Variants in ATP13A5 observed in about 807,000 individuals in gnomAD.
ATP13A5 encodes probable cation-transporting ATPase 13A5.
A neutral mutation model predicts 150.2 loss-of-function variants in ATP13A5; 149 were observed. The observed-to-expected ratio is 0.99, with a 90% CI of 0.87 to 1.14. ATP13A5 has a LOEUF of 1.14. Ranked by LOEUF, ATP13A5 falls within the 50% of genes most tolerant of loss-of-function variation. The pLI, the probability that ATP13A5 is intolerant of heterozygous loss-of-function variation, is 0.00. For missense variants in ATP13A5, 1,383 were observed against 1,449.3 expected (o/e 0.95, Z 0.74); for synonymous variants, 497 against 522.2 (o/e 0.95, Z 0.66).
At chr3:193,354,242 G>A (rs1387124271) in intron 5 of ATP13A5, 46 bp from the exon 6 acceptor site, 3 of 1,540,866 alleles carry the variant, frequency 1.9e-6, no homozygotes, top group East Asian at 2.3e-5. Context: ...ACAAGCACAT[G>A]ATAAGTGACT....
chr3:193,313,746 C>T (rs1718939898), intron 19 of ATP13A5: 1 of 319,544 alleles, frequency 3.1e-6, no homozygotes, highest in Non-Finnish European at 5.8e-6. Flanking sequence ...CAGTAGTTCT[C>T]AGCCATGACT....
intron 6 of ATP13A5, 83 bp downstream of exon 6, chr3:193,354,044 G>A (rs944321879): frequency 3.9e-5 from 43 of 1,094,820 alleles, no homozygotes; most frequent in Non-Finnish European, 5.1e-5. Context: ...TCACATCAAA[G>A]TATTTATGTG....
At chr3:193,347,893 C>T (rs1286057759) in intron 7 of ATP13A5, among the ~76,000 whole-genome samples, 1 of 152,166 alleles carries the variant, frequency 6.6e-6, no homozygotes, top group Non-Finnish European at 1.5e-5. Context: ...TGATCACATT[C>T]CATTATAGCT....
At chr3:193,299,481 C>G (rs2108838262) in intron 24 of ATP13A5, among the ~76,000 whole-genome samples, 1 of 152,308 alleles carries the variant, frequency 6.6e-6, no homozygotes, top group Non-Finnish European at 1.5e-5. Context: ...CAGCTGTAGT[C>G]TCAGCCTAGG....
intron 23 of ATP13A5, among the ~76,000 whole-genome samples, chr3:193,303,078 G>A (rs1436339987): frequency 3.9e-5 from 6 of 152,166 alleles, no homozygotes; most frequent in African/African-American, 1.4e-4. Flanking sequence ...TAGGCACTTT[G>A]CACTGTTATC....
chr3:193,374,276 GCACACA>G lies in ATP13A5; in HGVS notation c.63+4381_63+4386del, dbSNP rs542915725. On this transcript the variant is annotated intron_variant, in intron 1 of 29. Coordinates refer to ENST00000342358, the MANE Select transcript of ATP13A5 (RefSeq NM_198505.4). ...CAGGAGATAATCTGTGCATGTATTT[GCACACA>G]CACACACACACACACACACAGAGAG... Among the ~76,000 whole-genome samples, 25 of 148,008 alleles carry G rather than the reference GCACACA, an allele frequency of 1.7e-4. No individual in the cohort carries two copies. In the South Asian group the frequency reaches 5.0e-3, roughly 30 times the overall value.
At chr3:193,309,055 G>A (rs1416399092) in intron 21 of ATP13A5, among the ~76,000 whole-genome samples, 1 of 152,164 alleles carries the variant, frequency 6.6e-6, no homozygotes, top group Non-Finnish European at 1.5e-5. Flanking sequence ...ATCATCTAAA[G>A]ATTCACTACC....
At chr3:193,370,731 G>T (rs1713411276) in intron 1 of ATP13A5, among the ~76,000 whole-genome samples, 1 of 152,086 alleles carries the variant, frequency 6.6e-6, no homozygotes, top group Non-Finnish European at 1.5e-5. Flanking sequence ...ATCCTTCTGA[G>T]TACTTATTAG....
chr3:193,333,066 G>A (rs545727411), intron 11 of ATP13A5, among the ~76,000 whole-genome samples: 1 of 151,862 alleles, frequency 6.6e-6, no homozygotes, highest in African/African-American at 2.4e-5. Context: ...TTAAGTTTTG[G>A]CGTGAACATT....
chr3:193,360,870 T>C (rs1279945560), intron 5 of ATP13A5, among the ~76,000 whole-genome samples: 2 of 152,136 alleles, frequency 1.3e-5, no homozygotes, highest in African/African-American at 2.4e-5. Context: ...AAAGACGGAG[T>C]TTCACCATGT....
intron 12 of ATP13A5, among the ~76,000 whole-genome samples, chr3:193,328,106 A>AGGGGTG (rs1719532826): frequency 6.6e-6 from 1 of 152,244 alleles, no homozygotes; most frequent in African/African-American, 2.4e-5. Context: ...GAGGCAGGTT[A>AGGGGTG]GAGGTGAAAT....
At chr3:193,307,394 T>A (rs971728047) in intron 21 of ATP13A5, 25 bp from the exon 22 acceptor site, 2 of 1,612,800 alleles carry the variant, frequency 1.2e-6, no homozygotes, top group African/African-American at 2.7e-5. Context: ...AGAAGAAGGA[T>A]TAATAGGTAA....
At position 193,362,472 on chromosome 3, in the gene ATP13A5, T is replaced by C. The variant is rs915010631; in HGVS notation, c.456-11A>G. On this transcript the variant is annotated splice_polypyrimidine_tract_variant and intron_variant, in intron 4 of 29. Transcript: ENST00000342358. ...CTGTCTTCTAGCAACCTAGGATGTA[T>C]TCAGGATAGGAACCACACTTCAGTT... The C allele has an allele frequency of 2.0e-5, 32 of 1,613,952 alleles. No homozygotes were observed. Among genetic ancestry groups the C allele is most frequent in the Non-Finnish European group, 2.6e-5 (31 of 1,179,920 alleles).
intron 8 of ATP13A5, 87 bp downstream of exon 8, chr3:193,344,916 T>C: frequency 7.7e-7 from 1 of 1,298,566 alleles, no homozygotes; most frequent in Non-Finnish European, 1.1e-6. Context: ...AAAAGATTAT[T>C]TCTCCTTGAC....
At chr3:193,358,133 G>A (rs1315069434) in intron 5 of ATP13A5, among the ~76,000 whole-genome samples, 1 of 152,096 alleles carries the variant, frequency 6.6e-6, no homozygotes, top group Non-Finnish European at 1.5e-5. Context: ...TTTGCTCACT[G>A]CTTCCATTCT....
At chr3:193,318,915 G>A in intron 17 of ATP13A5, 76 bp downstream of exon 17, 2 of 996,210 alleles carry the variant, frequency 2.0e-6, no homozygotes, top group Non-Finnish European at 3.2e-6. Context: ...GATTAGAACT[G>A]TTCATCTGTT....
intron 9 of ATP13A5, among the ~76,000 whole-genome samples, chr3:193,342,617 G>A (rs982615282): frequency 6.6e-6 from 1 of 152,272 alleles, no homozygotes. Flanking sequence ...TTGTTGAAAG[G>A]CAGCGTTGTT....
Position 193,334,914 on chromosome 3 carries a change from G to T in ATP13A5, c.1114+15C>A, listed in dbSNP as rs1242649946. The T allele has an allele frequency of 6.2e-7, 1 of 1,601,328 alleles. No homozygotes were observed. On this transcript the variant is annotated intron_variant, in intron 10 of 29. Transcript: ENST00000342358. ...TCAAGCATGAATTAAACTTACAAAA[G>T]TGGAATCCACTAACCTGTTTGCAAA...
At chr3:193,323,669 A>G (rs916901244) in intron 14 of ATP13A5, 8 of 152,212 alleles carry the variant, frequency 5.3e-5, no homozygotes, top group African/African-American at 1.9e-4. Flanking sequence ...ATTCCTCTCC[A>G]TTGAGATCCA....
Sources: allele counts gnomAD v4.1 joint callset (sites outside exome capture counted in the v4.1 genomes callset), GRCh38; gene constraint gnomAD v4.1.1; transcripts MANE v1.5; gene names NCBI Gene and HGNC (gene_info 2026-07-23, HGNC 2026-07-21).